Variants in SEPTIN8 observed in about 807,000 individuals in gnomAD.
SEPTIN8 encodes septin-8.
Under a neutral mutation model 53.1 loss-of-function variants are expected in SEPTIN8, and 22 were observed. That is an observed-to-expected ratio of 0.41 (90% CI 0.30 to 0.59). SEPTIN8 has a LOEUF of 0.59. SEPTIN8 is among the 20% of genes least tolerant of loss of function. SEPTIN8 has a pLI of 0.24. For missense variants in SEPTIN8, 536 were observed against 638.7 expected (o/e 0.84, Z 1.73); for synonymous variants, 228 against 248.4 (o/e 0.92, Z 0.77).
rs918702721 is a variant in SEPTIN8, at chr5:132,752,141, A to C, written c.1327T>G (p.Ser443Ala). ...TTGGTCATCATCACCTTAGAGCTGGAGAGGCTCATGCCCGGCTGGTGTGCT... is the reference window on the plus strand; with the variant it reads ...TTGGTCATCATCACCTTAGAGCTGGCGAGGCTCATGCCCGGCTGGTGTGCT... The part of the protein sequence containing the change: ...IGAHQPGMSL[S>A]SSKVMMTKAS... The change falls in exon 10 of 10, where the codon TCC (serine) becomes GCC (alanine). Residue 443 changes from serine (S) to alanine (A), a missense_variant. Transcript: ENST00000378719. 6.3e-7 allele frequency: 1 copy of C among 1,597,636 alleles called. No homozygotes were observed. The highest frequency in any genetic ancestry group is 8.5e-7 in the Non-Finnish European group (1 of 1,171,484).
rs1224159037 is a variant in SEPTIN8 at position 132,776,278 on chromosome 5, A to G, written c.30+830T>C. Among the ~76,000 whole-genome samples the G allele has an allele frequency of 2.6e-5, 4 of 151,946 alleles. No individual in the cohort carries two copies. The highest frequency in any genetic ancestry group is 5.9e-5 in the Non-Finnish European group (4 of 67,990). ...TAGCCTCCCAGACACACCCAGATCC[A>G]GCCTTAGACAGCAGGGGATGTCCAG... On this transcript the variant is annotated intron_variant, in intron 1 of 9. Coordinates refer to ENST00000378719, the MANE Select transcript of SEPTIN8 (RefSeq NM_001098811.2). This position sits in a 1 kb window ranked among gnomAD's most constrained non-coding sequence, Gnocchi z 4.4.
chr5:132,761,552 C>T lies in SEPTIN8; in HGVS notation c.868G>A (p.Glu290Lys), dbSNP rs200404481. ...LIRVNMEDLR[E>K]QTHSRHYELY... ...TCGTAGTGCCGGCTGTGGGTCTGCT[C>T]GCGGAGGTCTTCCATGTTCACCCGG... The change falls in exon 7 of 10, where the codon GAG (glutamate) becomes AAG (lysine). Residue 290 changes from glutamate (E) to lysine (K), a missense_variant. Glu to Lys is a moderately conservative substitution (Grantham distance 56). Coordinates refer to ENST00000378719, the MANE Select transcript of SEPTIN8 (RefSeq NM_001098811.2). This position sits in a 1 kb window ranked among gnomAD's most constrained non-coding sequence, Gnocchi z 5.8. 124 of 1,613,852 alleles carry T rather than the reference C, an allele frequency of 7.7e-5. No homozygotes were observed. The highest frequency in any genetic ancestry group is 1.5e-4 in the African/African-American group (11 of 74,886).
chr5:132,765,349 A>T lies in SEPTIN8; in HGVS notation c.151+60T>A, dbSNP rs962330601. ...TGCAGCTCAACAGGGGGCCAGAAGC[A>T]CCCCCTCTCCCAGGAGGTTCTCACC... is the stretch of plus-strand genomic sequence containing the variant. On this transcript the variant is annotated intron_variant, in intron 2 of 9. Coordinates refer to ENST00000378719, the MANE Select transcript of SEPTIN8 (RefSeq NM_001098811.2). 5 of 1,589,106 alleles carry T rather than the reference A, an allele frequency of 3.1e-6. No homozygotes were observed. In the South Asian group the frequency reaches 5.6e-5, roughly 18 times the overall value.
intron 9 of SEPTIN8, chr5:132,756,164 G>A (rs575090409): frequency 8.6e-4 from 851 of 985,364 alleles, no homozygotes; most frequent in South Asian, 2.5e-3. Context: ...CTCAGGCCTC[G>A]TATCCATGAG....
At chr5:132,754,437 G>A (rs1755152058) in intron 9 of SEPTIN8, 1 of 717,322 alleles carries the variant, frequency 1.4e-6, no homozygotes, top group African/African-American at 1.7e-5. Flanking sequence ...CCAGGCTTTA[G>A]GGGAACTGCT....
At chr5:132,756,416 G>T (rs758450013) in intron 9 of SEPTIN8, 74 of 985,308 alleles carry the variant, frequency 7.5e-5, no homozygotes, top group Non-Finnish European at 8.8e-5. Context: ...AACAAACATG[G>T]TTTATGATAA....
In SEPTIN8 at chr5:132,761,249, C is replaced by T. The variant is rs374676053; in HGVS notation, c.979G>A (p.Glu327Lys). The change falls in exon 8 of 10, where the codon GAG becomes AAG. Residue 327 changes from glutamate (E) to lysine (K), a missense_variant. Physicochemically the swap from Glu to Lys is moderately conservative, Grantham distance 56. Coordinates refer to ENST00000378719, the MANE Select transcript of SEPTIN8 (RefSeq NM_001098811.2). This position sits in a 1 kb window ranked among gnomAD's most constrained non-coding sequence, Gnocchi z 5.8. ...SQPFSLQETY[E>K]AKRKEFLSEL... ...CTTAGGAACTCCTTCCTCTTGGCCT[C>T]GTATGTCTCTTGTAGGCTGTGGAGA... 3.1e-6 allele frequency: 5 copies of T among 1,613,922 alleles called. No homozygotes were observed. The highest frequency in any genetic ancestry group is 4.2e-6 in the Non-Finnish European group (5 of 1,180,030).
In SEPTIN8 at chr5:132,751,968, C is replaced by T. The variant is rs1205999209; in HGVS notation, c.*48G>A. The T allele has an allele frequency of 1.9e-6, 3 of 1,609,422 alleles. No individual in the cohort carries two copies. The highest frequency in any genetic ancestry group is 2.5e-6 in the Non-Finnish European group (3 of 1,177,994). ...ACATTAAAAACCATGGTCTCCAGTTCCATGCCCTGGTGGTCCTGAGCTGGC... is the reference window on the plus strand; with the variant it reads ...ACATTAAAAACCATGGTCTCCAGTTTCATGCCCTGGTGGTCCTGAGCTGGC... On this transcript the variant is annotated 3_prime_UTR_variant, in exon 10 of 10. Coordinates refer to ENST00000378719, the MANE Select transcript of SEPTIN8 (RefSeq NM_001098811.2).
At chr5:132,752,848 C>T (rs770642070) in intron 9 of SEPTIN8, 15 of 1,595,982 alleles carry the variant, frequency 9.4e-6, no homozygotes, top group Middle Eastern at 3.3e-4. Context: ...TGAAGATGGC[C>T]ACTCTATTCT....
At chr5:132,766,156 C>T (rs1163472196) in intron 1 of SEPTIN8, among the ~76,000 whole-genome samples, 1 of 152,248 alleles carries the variant, frequency 6.6e-6, no homozygotes, top group Non-Finnish European at 1.5e-5. Flanking sequence ...CCGGCCCTCA[C>T]TCACACAACC....
At chr5:132,769,998 T>TAC (rs1561767447) in intron 1 of SEPTIN8, among the ~76,000 whole-genome samples, 11 of 46,782 alleles carry the variant, frequency 2.4e-4, no homozygotes, top group African/African-American at 8.3e-4. Context: ...TATATATATA[T>TAC]ATATATATAT....
chr5:132,773,672 A>C lies in SEPTIN8; in HGVS notation c.30+3436T>G, dbSNP rs897831489. 1.3e-5 allele frequency among the ~76,000 whole-genome samples: 2 copies of C among 152,138 alleles called. No homozygotes were observed. Among genetic ancestry groups the C allele is most frequent in the African/African-American group, 4.8e-5 (2 of 41,440 alleles). ...CTTGCCATCCAAGGTTTTTGACACA[A>C]GTCAGACCCTGGGTTCCCAGGCTCC... is the stretch of plus-strand genomic sequence containing the variant. On this transcript the variant is annotated intron_variant, in intron 1 of 9. Transcript: ENST00000378719. The surrounding 1 kb of genome is among the most constrained non-coding windows in gnomAD (Gnocchi z 4.2).
At chr5:132,767,281 A>T (rs1756696654) in intron 1 of SEPTIN8, among the ~76,000 whole-genome samples, 1 of 152,126 alleles carries the variant, frequency 6.6e-6, no homozygotes, top group Admixed American at 6.5e-5. Flanking sequence ...GTGCTGGGTC[A>T]GGTCCAAAGC....
At chr5:132,762,441 G>C (rs761003744) in intron 5 of SEPTIN8, 43 bp downstream of exon 5, 1 of 1,594,348 alleles carries the variant, frequency 6.3e-7, no homozygotes, top group African/African-American at 1.3e-5. Context: ...CCGGCTCCTC[G>C]CCCTCTGGCC....
At chr5:132,753,487 A>G (rs1261216906) in intron 9 of SEPTIN8, 4 of 158,284 alleles carry the variant, frequency 2.5e-5, no homozygotes, top group South Asian at 1.9e-4. Flanking sequence ...CACTCCTCAC[A>G]TGGGACAGTC....
At chr5:132,774,888 C>T (rs184294095) in intron 1 of SEPTIN8, among the ~76,000 whole-genome samples, 2 of 152,314 alleles carry the variant, frequency 1.3e-5, no homozygotes, top group East Asian at 3.9e-4. Flanking sequence ...GCCCATTTTA[C>T]AGCAAGATAA....
intron 9 of SEPTIN8, chr5:132,758,813 T>G: frequency 6.2e-7 from 1 of 1,614,042 alleles, no homozygotes; most frequent in Non-Finnish European, 8.5e-7. Flanking sequence ...TGTAAGTCTG[T>G]GCGTGCGTTA....
rs780063556 is a variant in SEPTIN8, at chr5:132,760,908, C to T, written c.1180G>A (p.Glu394Lys). 1.9e-6 allele frequency: 3 copies of T among 1,609,764 alleles called. No individual in the cohort carries two copies. The highest frequency in any genetic ancestry group is 2.5e-6 in the Non-Finnish European group (3 of 1,178,664). Residue 394 changes from glutamate to lysine, a missense_variant, in exon 9 of 10, where the codon GAG becomes AAG. By Grantham distance (56) the Glu-to-Lys change is moderately conservative (BLOSUM62 1). Transcript: ENST00000378719. The surrounding 1 kb of genome is among the most constrained non-coding windows in gnomAD (Gnocchi z 5.2). Reference protein sequence around the residue: ...VEEKRRELEEETNAFNRRKAA... With the variant: ...VEEKRRELEEKTNAFNRRKAA... ...TTCCGGCGATTGAAGGCGTTGGTCT[C>T]CTCCTCCAGTTCCCGGCGCTTTTCC... is the stretch of plus-strand genomic sequence containing the variant.
intron 2 of SEPTIN8, among the ~76,000 whole-genome samples, chr5:132,764,735 G>C (rs140659223): frequency 6.5e-4 from 99 of 152,280 alleles, no homozygotes; most frequent in African/African-American, 2.4e-3. Context: ...CACCACTGCA[G>C]ACCCAATCAC....
Sources: gnomAD v4.1 joint callset for allele counts (sites outside exome capture counted in the v4.1 genomes callset) on GRCh38, gnomAD v4.1.1 for gene constraint, Gnocchi (gnomAD v3.1) non-coding constraint, MANE v1.5 for transcripts, NCBI Gene and HGNC (gene_info 2026-07-23, HGNC 2026-07-21) for gene names.